The following CACNA2D3 variants were observed in gnomAD, a reference collection of about 807,000 sequenced individuals.
CACNA2D3 encodes calcium voltage-gated channel auxiliary subunit alpha2delta 3.
In CACNA2D3, 60 loss-of-function variants were observed where a neutral mutation model predicts 160.6. That is an observed-to-expected ratio of 0.37 (90% CI 0.30 to 0.46). The LOEUF (loss-of-function observed/expected upper bound fraction) is 0.46, where lower values mean the gene tolerates loss of function less well. CACNA2D3 is among the 20% of genes least tolerant of loss of function. The probability of loss-of-function intolerance (pLI) is 1.00; values close to 1 mark genes in which losing one functional copy is unlikely to be tolerated. For synonymous variants in CACNA2D3, 558 were observed against 492.9 expected, an observed-to-expected ratio of 1.13 and a Z score of -1.75; for missense variants, 1,205 against 1,365.0, an observed-to-expected ratio of 0.88 and a Z score of 1.85.
At chr3:54,943,614 A>C (rs189119568) in intron 27 of CACNA2D3, among the ~76,000 whole-genome samples, 12 of 151,924 alleles carry the variant, frequency 7.9e-5, no homozygotes, top group Non-Finnish European at 1.8e-4. Context: ...TGGTCTTCTT[A>C]TTGCTTGGTT....
At chr3:54,139,780 A>C (rs1023791377) in intron 2 of CACNA2D3, among the ~76,000 whole-genome samples, 1 of 152,218 alleles carries the variant, frequency 6.6e-6, no homozygotes. Flanking sequence ...CATTCATTCA[A>C]CAAGTGTGGT....
chr3:54,303,347 A>G (rs867805688), intron 2 of CACNA2D3, among the ~76,000 whole-genome samples: 1 of 152,172 alleles, frequency 6.6e-6, no homozygotes, highest in African/African-American at 2.4e-5. Flanking sequence ...CATTGTTGAA[A>G]GCGAAAATTT....
intron 2 of CACNA2D3, among the ~76,000 whole-genome samples, chr3:54,292,254 A>G (rs1028604214): frequency 1.3e-5 from 2 of 152,230 alleles, no homozygotes; most frequent in South Asian, 4.1e-4. Flanking sequence ...GTCAAATTTC[A>G]TGACCTTGGA....
intron 5 of CACNA2D3, among the ~76,000 whole-genome samples, chr3:54,529,471 G>A (rs1419919777): frequency 6.6e-6 from 1 of 152,190 alleles, no homozygotes; most frequent in Non-Finnish European, 1.5e-5. Context: ...CCAAAGACCT[G>A]GATTTGACCC....
At chr3:54,495,332 T>C (rs939301361) in intron 4 of CACNA2D3, among the ~76,000 whole-genome samples, 2 of 152,208 alleles carry the variant, frequency 1.3e-5, no homozygotes, top group African/African-American at 2.4e-5. Context: ...GAAAGGTCTT[T>C]AGTGACTTTA....
At position 54,795,151 on chromosome 3, in the gene CACNA2D3, T is replaced by C. The variant is rs1034827497; in HGVS notation, c.1381-21702T>C. ...GTGTCTTCAGGCCGATTACTTCTTCTGCCATGTCTCATCCTTTGTTAGACC... is the reference window on the plus strand; with the variant it reads ...GTGTCTTCAGGCCGATTACTTCTTCCGCCATGTCTCATCCTTTGTTAGACC... On this transcript the variant is annotated intron_variant, in intron 13 of 37. Transcript: ENST00000474759. Among the ~76,000 whole-genome samples, 9 of 152,152 alleles carry C rather than the reference T, an allele frequency of 5.9e-5. No individual in the cohort carries two copies. The East Asian group carries it at 1.3e-3, about 23-fold the overall frequency.
intron 10 of CACNA2D3, among the ~76,000 whole-genome samples, chr3:54,631,203 A>AACACACACACACACACACACACACACAC (rs67944483): frequency 6.2e-5 from 9 of 145,880 alleles, no homozygotes; most frequent in African/African-American, 1.5e-4. Context: ...GACTCCATCA[A>AACACACACACACACACACACACACACAC]ACACACACAC....
chr3:54,238,099 A>G (rs1334516112), intron 2 of CACNA2D3, among the ~76,000 whole-genome samples: 2 of 152,050 alleles, frequency 1.3e-5, no homozygotes, highest in Admixed American at 6.6e-5. Flanking sequence ...ACTTTTTTCC[A>G]ATTTCTTTGC....
rs1474837379 is a variant in CACNA2D3 at position 54,784,792 on chromosome 3, G to A, written c.1380+20441G>A. Among the ~76,000 whole-genome samples, 3 of 152,142 alleles carry A rather than the reference G, an allele frequency of 2.0e-5. No homozygotes were observed. The East Asian group carries it at 5.8e-4, about 29-fold the overall frequency. ...CAGGCAGGGGACCTGACCCCAGATG[G>A]GCAAAGTGACAGGATCTTTTCAAGA... On this transcript the variant is annotated intron_variant, in intron 13 of 37. Transcript: ENST00000474759.
chr3:54,741,720 T>A (rs11924275), intron 11 of CACNA2D3, among the ~76,000 whole-genome samples: 24,080 of 152,162 alleles, frequency 0.16, 2,149 homozygotes, highest in Non-Finnish European at 0.2. Context: ...ACTGGACAAT[T>A]TCTGTATTTG....
intron 5 of CACNA2D3, among the ~76,000 whole-genome samples, chr3:54,552,288 AC>A (rs1413659536): frequency 6.6e-6 from 1 of 152,124 alleles, no homozygotes; most frequent in Admixed American, 6.5e-5. Flanking sequence ...AGTATTAAGT[AC>A]TAAGATGTCC....
chr3:54,982,901 G>A (rs950434723), intron 29 of CACNA2D3, among the ~76,000 whole-genome samples: 4 of 152,002 alleles, frequency 2.6e-5, no homozygotes, highest in African/African-American at 7.2e-5. Context: ...GGTTTTAGCC[G>A]GCTTCTTTAC....
At chr3:54,516,893 T>G (rs545401032) in intron 5 of CACNA2D3, among the ~76,000 whole-genome samples, 192 of 152,298 alleles carry the variant, frequency 1.3e-3, no homozygotes, top group Non-Finnish European at 3.7e-4. Context: ...GAAGAGGTGA[T>G]GAAGGGCTGT....
intron 31 of CACNA2D3, 139 bp downstream of exon 31, chr3:54,987,892 T>C: frequency 3.4e-6 from 2 of 592,652 alleles, no homozygotes; most frequent in Non-Finnish European, 6.0e-6. Flanking sequence ...AAGATCTCTC[T>C]GAAATTCGAT....
chr3:54,477,260 G>T (rs998913942), intron 4 of CACNA2D3, among the ~76,000 whole-genome samples: 1 of 151,616 alleles, frequency 6.6e-6, no homozygotes, highest in African/African-American at 2.4e-5. Flanking sequence ...TTTTCAGATG[G>T]GGTAAATGAG....
rs572166864 is a variant in CACNA2D3, at chr3:54,215,108, C to T, written c.204+91514C>T. 5.3e-5 allele frequency among the ~76,000 whole-genome samples: 8 copies of T among 152,256 alleles called. No homozygotes were observed. In the South Asian group the frequency reaches 1.2e-3, roughly 24 times the overall value. ...TGATGTCAGCTCCTCAGGAGAGTAG[C>T]CATGGGAGCCTAGGGCCTTTTGGGT... On this transcript the variant is annotated intron_variant, in intron 2 of 37. Coordinates refer to ENST00000474759, the MANE Select transcript of CACNA2D3 (RefSeq NM_018398.3).
intron 2 of CACNA2D3, among the ~76,000 whole-genome samples, chr3:54,305,519 A>G (rs1223996520): frequency 6.6e-6 from 1 of 152,272 alleles, no homozygotes; most frequent in Non-Finnish European, 1.5e-5. Context: ...TGTTTAAAGT[A>G]CAGAAACCTT....
intron 11 of CACNA2D3, among the ~76,000 whole-genome samples, chr3:54,735,637 A>G (rs185407818): frequency 2.4e-3 from 372 of 152,126 alleles, no homozygotes; most frequent in Non-Finnish European, 3.6e-3. Context: ...TCTATAATCT[A>G]TGCTTCTACT....
intron 18 of CACNA2D3, chr3:54,875,369 T>A (rs1036765639): frequency 6.6e-6 from 1 of 152,222 alleles, no homozygotes; most frequent in Non-Finnish European, 1.5e-5. Context: ...CAGACCTGTT[T>A]ATCCACTGTG....
Sources: allele counts gnomAD v4.1 joint callset (sites outside exome capture counted in the v4.1 genomes callset), GRCh38; gene constraint gnomAD v4.1.1; transcripts MANE v1.5; gene names NCBI Gene and HGNC (gene_info 2026-07-23, HGNC 2026-07-21).